The following USP50 variants were observed in gnomAD, a reference collection of about 807,000 sequenced individuals.
USP50 encodes ubiquitin carboxyl-terminal hydrolase 50.
Under a neutral mutation model 39.2 loss-of-function variants are expected in USP50, and 37 were observed. The observed-to-expected ratio is 0.94, with a 90% confidence interval of 0.73 to 1.24. The LOEUF is 1.24. Ranked by LOEUF, USP50 falls within the 50% of genes most tolerant of loss-of-function variation. The pLI, the probability that USP50 is intolerant of heterozygous loss-of-function variation, is 0.00. For missense variants in USP50, 374 were observed against 398.2 expected, an observed-to-expected ratio of 0.94 and a Z score of 0.52; for synonymous variants, 139 against 144.5, an observed-to-expected ratio of 0.96 and a Z score of 0.27.
At chr15:50,493,520 A>G, downstream of USP50, 1 of 517,488 alleles carries the variant, frequency 1.9e-6, no homozygotes, top group Non-Finnish European at 3.9e-6. Flanking sequence ...TGGGAGGCTG[A>G]CGTGGGCAGA....
At chr15:50,499,709 G>C (rs1019194526), downstream of USP50, 3 of 151,918 alleles carry the variant, frequency 2.0e-5, no homozygotes, top group Admixed American at 1.3e-4. Flanking sequence ...AAAAAAAATG[G>C]AAACTTTAAT....
intron 1 of USP50, among the ~76,000 whole-genome samples, chr15:50,495,209 C>T (rs972437162): frequency 1.4e-5 from 2 of 147,304 alleles, no homozygotes; most frequent in African/African-American, 2.5e-5. Flanking sequence ...TATATACACA[C>T]ACACCTACAC....
intron 2 of USP50, among the ~76,000 whole-genome samples, 191 bp downstream of exon 2, chr15:50,544,396 A>G (rs1279479232): frequency 2.0e-5 from 3 of 152,008 alleles, no homozygotes; most frequent in South Asian, 2.1e-4. Flanking sequence ...AAAATAAAAA[A>G]AAAAGGAGCT....
Position 50,529,831 on chromosome 15 carries a change from C to T in USP50, c.902G>A (p.Arg301Gln), listed in dbSNP as rs149724121. The change falls in exon 6 of 7, where the codon CGG becomes CAG. Residue 301 changes from arginine (R) to glutamine (Q), a missense_variant. By Grantham distance (43) the Arg-to-Gln change is conservative (BLOSUM62 1). Coordinates refer to ENST00000532404, the MANE Select transcript of USP50 (RefSeq NM_203494.5). The stretch of plus-strand genomic sequence containing the variant: ...ACAGAGGTTGTATTTAGGATATTTC[C>T]GGAAAATTGAGCAAATATAAGGAGT... ...DLTPYICSIFRKYPKYNLCAV... is the reference protein window; with the variant it reads ...DLTPYICSIFQKYPKYNLCAV... 676 of 1,613,704 alleles carry T rather than the reference C, an allele frequency of 4.2e-4. 2 individuals are homozygous for T. In the African/African-American group the frequency reaches 6.9e-3, roughly 16 times the overall value.
intron 5 of USP50, among the ~76,000 whole-genome samples, chr15:50,531,111 C>T (rs182165614): frequency 6.6e-6 from 1 of 151,924 alleles, no homozygotes; most frequent in Non-Finnish European, 1.5e-5. Flanking sequence ...AGGTCTGAGG[C>T]CGGGAAATTA....
downstream of USP50, chr15:50,495,838 T>G (rs769103724): frequency 1.3e-6 from 2 of 1,598,590 alleles, no homozygotes; most frequent in East Asian, 2.2e-5. Context: ...TTAAATCATT[T>G]TATTTCCAGG....
intron 5 of USP50, among the ~76,000 whole-genome samples, chr15:50,530,182 T>TA (rs2052929306): frequency 6.6e-6 from 1 of 152,100 alleles, no homozygotes; most frequent in South Asian, 2.1e-4. Flanking sequence ...CTCAGGAGGC[T>TA]AAGGTAGGAG....
At chr15:50,545,976 A>T (rs1477191400) in intron 1 of USP50, among the ~76,000 whole-genome samples, 2 of 151,128 alleles carry the variant, frequency 1.3e-5, no homozygotes, top group South Asian at 2.1e-4. Context: ...AAGCTACAGG[A>T]TTAGAGTGTT....
At chr15:50,511,908 A>C (rs1212362961) in intron 6 of USP50, 2 of 152,202 alleles carry the variant, frequency 1.3e-5, no homozygotes, top group Non-Finnish European at 2.9e-5. Flanking sequence ...GGAGGAGGGA[A>C]GATCACTTGA....
At chr15:50,537,783 T>C (rs7176874) in intron 5 of USP50, among the ~76,000 whole-genome samples, 60,985 of 143,126 alleles carry the variant, frequency 0.43, 13,195 homozygotes, top group Admixed American at 0.54. Context: ...TGGCTTGAAC[T>C]AGGGAAGTGG....
Position 50,538,858 on chromosome 15 carries a change from A to C in USP50, c.661-7T>G, listed in dbSNP as rs1596019805. On this transcript the variant is annotated splice_polypyrimidine_tract_variant and splice_region_variant and intron_variant, in intron 4 of 6. Coordinates refer to ENST00000532404, the MANE Select transcript of USP50 (RefSeq NM_203494.5). ...AAAAACATTGGAGACAGTCCTGTTAAGGAAAAAAAGGATTTGGTGACCAAA... is the reference window on the plus strand; with the variant it reads ...AAAAACATTGGAGACAGTCCTGTTACGGAAAAAAAGGATTTGGTGACCAAA... 4.4e-6 allele frequency: 7 copies of C among 1,588,952 alleles called. No homozygotes were observed. In the East Asian group the frequency reaches 1.6e-4, roughly 36 times the overall value.
At chr15:50,519,331 A>T (rs923061900) in intron 6 of USP50, among the ~76,000 whole-genome samples, 4 of 152,102 alleles carry the variant, frequency 2.6e-5, no homozygotes, top group Admixed American at 2.0e-4. Context: ...TGCAAAGGAC[A>T]TGAATACACA....
At chr15:50,543,560 C>T in intron 3 of USP50, 38 bp downstream of exon 3, 2 of 1,569,444 alleles carry the variant, frequency 1.3e-6, no homozygotes, top group Non-Finnish European at 1.7e-6. Flanking sequence ...GATAAAGGTT[C>T]AGGACTATCC....
At chr15:50,529,000 C>G (rs1471213096) in intron 6 of USP50, among the ~76,000 whole-genome samples, 1 of 152,146 alleles carries the variant, frequency 6.6e-6, no homozygotes, top group Non-Finnish European at 1.5e-5. Flanking sequence ...TGGCTTGCTA[C>G]TTGGGGATGG....
intron 6 of USP50, among the ~76,000 whole-genome samples, chr15:50,520,727 G>A (rs2052843102): frequency 1.3e-5 from 2 of 152,074 alleles, no homozygotes; most frequent in South Asian, 2.1e-4. Context: ...AATAAGCCAG[G>A]CACAGAAAAA....
At chr15:50,498,118 A>G (rs980590863), downstream of USP50, among the ~76,000 whole-genome samples, 5 of 152,204 alleles carry the variant, frequency 3.3e-5, no homozygotes, top group Admixed American at 6.5e-5. Context: ...CAACCAAGAT[A>G]TCATTGTTTT....
chr15:50,502,053 A>C (rs1038144926), intron 6 of USP50: 2 of 152,204 alleles, frequency 1.3e-5, no homozygotes, highest in African/African-American at 4.8e-5. Flanking sequence ...TTTGGCCTTT[A>C]ACAGAATAAG....
At chr15:50,495,259 TAC>T (rs2052337670) in intron 1 of USP50, among the ~76,000 whole-genome samples, 1 of 52,714 alleles carries the variant, frequency 1.9e-5, no homozygotes. Context: ...TATATATACA[TAC>T]ATATATACAC....
chr15:50,520,395 G>A (rs2052839444), intron 6 of USP50, among the ~76,000 whole-genome samples: 1 of 151,100 alleles, frequency 6.6e-6, no homozygotes, highest in Non-Finnish European at 1.5e-5. Context: ...CGACCTTTCT[G>A]GGCTCAAGTG....
Sources: gnomAD v4.1 joint callset for allele counts (sites outside exome capture counted in the v4.1 genomes callset) on GRCh38, gnomAD v4.1.1 for gene constraint, MANE v1.5 for transcripts, NCBI Gene and HGNC (gene_info 2026-07-23, HGNC 2026-07-21) for gene names.